NLN: variants seen among roughly 807,000 people sequenced by gnomAD.
The protein encoded by NLN is neurolysin, also known as neurolysin, mitochondrial.
A neutral mutation model predicts 79.9 loss-of-function variants in NLN; 64 were observed. That is an observed-to-expected ratio of 0.80 (90% CI 0.65 to 0.99). The LOEUF is 0.99. Ranked by LOEUF, NLN falls within the 50% of genes least tolerant of loss-of-function variation. NLN has a pLI of 0.00. For synonymous variants in NLN, 267 were observed against 296.6 expected, an observed-to-expected ratio of 0.90 and a Z score of 1.02; for missense variants, 835 against 858.7, an observed-to-expected ratio of 0.97 and a Z score of 0.34.
intron 9 of NLN, chr5:65,809,139 A>G (rs1760486285): frequency 6.2e-6 from 1 of 162,460 alleles, no homozygotes; most frequent in Non-Finnish European, 1.3e-5. Flanking sequence ...GCTAGGGAGA[A>G]ATTGCTTGTT....
intron 3 of NLN, among the ~76,000 whole-genome samples, chr5:65,769,217 C>T (rs1759516753): frequency 6.6e-6 from 1 of 152,196 alleles, no homozygotes; most frequent in Admixed American, 6.5e-5. Flanking sequence ...ACATCTCAGT[C>T]TGGGGAGTAT....
At chr5:65,793,211 G>A (rs1425159606) in intron 9 of NLN, 1 of 198,920 alleles carries the variant, frequency 5.0e-6, no homozygotes, top group African/African-American at 2.4e-5. Context: ...AAAATAAAAA[G>A]TACATTTATT....
rs1405331702 is a variant in NLN at position 65,792,453 on chromosome 5, G to T, written c.1326-1G>T. ...TGCCAACGCGTGTTTCTGGCTCCTA[G>T]GGAAGGAAAATACAATCATGCGGCC... On this transcript the variant is annotated splice_acceptor_variant, in intron 8 of 12. Coordinates refer to ENST00000380985, the MANE Select transcript of NLN (RefSeq NM_020726.5). LOFTEE classifies it high-confidence loss of function. 3.1e-6 allele frequency: 5 copies of T among 1,610,596 alleles called. No homozygotes were observed. The highest frequency in any genetic ancestry group is 4.2e-6 in the Non-Finnish European group (5 of 1,177,296).
chr5:65,791,525 C>G (rs1213269435), intron 8 of NLN, among the ~76,000 whole-genome samples: 1 of 151,886 alleles, frequency 6.6e-6, no homozygotes, highest in African/African-American at 2.4e-5. Context: ...GCCACCGCAC[C>G]CCAGCCTGGG....
intron 1 of NLN, among the ~76,000 whole-genome samples, chr5:65,724,958 C>T (rs895745566): frequency 1.3e-5 from 2 of 151,950 alleles, no homozygotes; most frequent in East Asian, 3.9e-4. Flanking sequence ...CCCGCAACCA[C>T]GCCCGGCTAA....
intron 12 of NLN, among the ~76,000 whole-genome samples, chr5:65,817,238 A>G (rs1760689210): frequency 2.0e-5 from 3 of 152,250 alleles, no homozygotes; most frequent in Admixed American, 2.0e-4. Flanking sequence ...TAGTAAATAG[A>G]CATCACATCG....
In NLN at chr5:65,763,128, C is replaced by A; in HGVS notation, c.450+20C>A. 1.3e-6 allele frequency: 2 copies of A among 1,599,490 alleles called. No homozygotes were observed. Among genetic ancestry groups the A allele is most frequent in the Non-Finnish European group, 1.7e-6 (2 of 1,170,254 alleles). The stretch of plus-strand genomic sequence containing the variant: ...TTACAGGTAAGTGGTGTTATAAATC[C>A]CTTTAAAGAGGGAAAAACTCTACAA... On this transcript the variant is annotated intron_variant, in intron 3 of 12. Transcript: ENST00000380985.
Position 65,824,090 on chromosome 5 carries a change from A to G in NLN, c.*1175A>G, listed in dbSNP as rs1760864179. The G allele has an allele frequency of 6.6e-6, 1 of 151,960 alleles. No homozygotes were observed. The highest frequency in any genetic ancestry group is 1.5e-5 in the Non-Finnish European group (1 of 67,992). 9.4% of individuals were successfully genotyped at this position (151,960 alleles called of 1,614,324 possible). On this transcript the variant is annotated 3_prime_UTR_variant, in exon 13 of 13. Transcript: ENST00000380985. ...TGCAGCAGATCAGTAAACTCACAGTATTTTTCCTGTGGAAATCTATTCAAT... is the reference window on the plus strand; with the variant it reads ...TGCAGCAGATCAGTAAACTCACAGTGTTTTTCCTGTGGAAATCTATTCAAT...
At chr5:65,740,456 G>T (rs1158304871) in intron 1 of NLN, among the ~76,000 whole-genome samples, 1 of 152,092 alleles carries the variant, frequency 6.6e-6, no homozygotes. Context: ...TCTTAATACT[G>T]TTAAACTGAG....
Position 65,781,458 on chromosome 5 carries a change from G to A in NLN, c.822+37G>A, listed in dbSNP as rs537070924. On this transcript the variant is annotated intron_variant, in intron 6 of 12. Transcript: ENST00000380985. ...GTTTGTCTTTCTTTTGTTTTTAATG[G>A]AATATTTTAAGAAAAGGGTTTACTT... 2.1e-5 allele frequency: 31 copies of A among 1,478,620 alleles called. No individual in the cohort carries two copies. The African/African-American group carries it at 3.5e-4, about 17-fold the overall frequency. The allele number at this position is 1,478,620 out of a possible 1,614,324, so 91.6% of individuals were successfully genotyped here.
chr5:65,753,543 G>A lies in NLN; in HGVS notation c.42-5024G>A, dbSNP rs1429503911. On this transcript the variant is annotated intron_variant, in intron 1 of 12. Transcript: ENST00000380985. ...CACAAGCTTGTAATCCCAGCTCCTC[G>A]GAAGGCTGAGGCACGAGAATCGCTT... 5.3e-5 allele frequency among the ~76,000 whole-genome samples: 8 copies of A among 151,792 alleles called. No individual in the cohort carries two copies. In the East Asian group the frequency reaches 1.5e-3, roughly 29 times the overall value.
chr5:65,741,918 A>G (rs1329231136), intron 1 of NLN, among the ~76,000 whole-genome samples: 1 of 152,202 alleles, frequency 6.6e-6, no homozygotes, highest in Non-Finnish European at 1.5e-5. Context: ...ATACAAAATT[A>G]GAAGAAAATT....
chr5:65,739,331 G>C (rs1758822507), intron 1 of NLN, among the ~76,000 whole-genome samples: 1 of 152,036 alleles, frequency 6.6e-6, no homozygotes, highest in Non-Finnish European at 1.5e-5. Flanking sequence ...GTTCATCCAT[G>C]TTGTCACAAA....
chr5:65,735,886 T>G (rs1278655725), intron 1 of NLN, among the ~76,000 whole-genome samples: 1 of 152,218 alleles, frequency 6.6e-6, no homozygotes, highest in African/African-American at 2.4e-5. Context: ...TTTGGAACAT[T>G]CTTTTCTTTC....
chr5:65,749,968 C>A (rs898543538), intron 1 of NLN, among the ~76,000 whole-genome samples: 2 of 152,216 alleles, frequency 1.3e-5, no homozygotes, highest in African/African-American at 4.8e-5. Context: ...TGTTTTAACA[C>A]TCCTGCACAC....
intron 1 of NLN, among the ~76,000 whole-genome samples, chr5:65,752,365 T>C (rs1403746506): frequency 6.6e-6 from 1 of 152,196 alleles, no homozygotes; most frequent in Non-Finnish European, 1.5e-5. Flanking sequence ...AAAAGAAATC[T>C]AGTGTTTAAT....
intron 3 of NLN, among the ~76,000 whole-genome samples, chr5:65,767,053 G>T (rs555642244): frequency 3.3e-4 from 50 of 152,324 alleles, no homozygotes; most frequent in Non-Finnish European, 5.6e-4. Flanking sequence ...TTTTTCAGGT[G>T]CAGGGTGCAA....
At chr5:65,726,806 GCT>G (rs1170087497) in intron 1 of NLN, among the ~76,000 whole-genome samples, 1 of 152,180 alleles carries the variant, frequency 6.6e-6, no homozygotes, top group Non-Finnish European at 1.5e-5. Flanking sequence ...CACAGAATCT[GCT>G]CTGTTTCAAA....
chr5:65,728,701 G>A (rs1443117350), intron 1 of NLN, among the ~76,000 whole-genome samples: 1 of 152,064 alleles, frequency 6.6e-6, no homozygotes, highest in South Asian at 2.1e-4. Context: ...TTTTTGGAAG[G>A]TTTATTCAGT....
Sources: gnomAD v4.1 joint callset for allele counts (sites outside exome capture counted in the v4.1 genomes callset) on GRCh38, gnomAD v4.1.1 for gene constraint, MANE v1.5 for transcripts, NCBI Gene and HGNC (gene_info 2026-07-23, HGNC 2026-07-21) for gene names.